The following PLAC9 variants were observed in gnomAD, a reference collection of about 807,000 sequenced individuals.
PLAC9 encodes placenta-specific protein 9.
In PLAC9, 12 loss-of-function variants were observed where a neutral mutation model predicts 11.5. That is an observed-to-expected ratio of 1.05 (90% CI 0.67 to 1.69). The LOEUF (loss-of-function observed/expected upper bound fraction) is 1.69, where lower values mean the gene tolerates loss of function less well. PLAC9 is among the 40% of genes most tolerant of loss of function. PLAC9 has a pLI of 0.00. For missense variants in PLAC9, 132 were observed against 130.5 expected (o/e 1.01, Z -0.06); for synonymous variants, 62 against 58.1 (o/e 1.07, Z -0.31).
upstream of PLAC9, among the ~76,000 whole-genome samples, chr10:80,132,384 T>C (rs1397027419): frequency 6.6e-6 from 1 of 152,308 alleles, no homozygotes; most frequent in East Asian, 1.9e-4. Context: ...AGTCTTAGTC[T>C]GCCCGCCTGT....
chr10:80,139,739 A>AT lies in PLAC9; in HGVS notation c.65-2333dup, dbSNP rs111930893. ...TGTAAATGTTCTCATCATGGCCACC[A>AT]TTTTTTTTTTAACTTAAAATTTTTT... On this transcript the variant is annotated intron_variant, in intron 1 of 3. Transcript: ENST00000372263. Among the ~76,000 whole-genome samples, 27 of 149,004 alleles carry AT rather than the reference A, an allele frequency of 1.8e-4. No homozygotes were observed. In the East Asian group the frequency reaches 2.0e-3, roughly 11 times the overall value.
chr10:80,145,059 G>T lies in PLAC9; in HGVS notation c.*149G>T. 2 of 1,025,146 alleles carry T rather than the reference G, an allele frequency of 2.0e-6. No individual in the cohort carries two copies. Among genetic ancestry groups the T allele is most frequent in the Non-Finnish European group, 3.0e-6 (2 of 674,166 alleles). The allele number at this position is 1,025,146 out of a possible 1,614,324, so 63.5% of individuals were successfully genotyped here. ...TCTGTGTCTGCTGACAGAGTAACCC[G>T]TTTAACTACAGCCTCCTCTCACTCC... On this transcript the variant is annotated 3_prime_UTR_variant, in exon 4 of 4. Coordinates refer to ENST00000372263, the MANE Select transcript of PLAC9 (RefSeq NM_001012973.3).
At chr10:80,141,009 T>C (rs923975747) in intron 1 of PLAC9, among the ~76,000 whole-genome samples, 1 of 152,018 alleles carries the variant, frequency 6.6e-6, no homozygotes, top group Non-Finnish European at 1.5e-5. Context: ...TACGTGTAGA[T>C]TGGGCATAAC....
At chr10:80,140,771 C>T (rs1224824407) in intron 1 of PLAC9, among the ~76,000 whole-genome samples, 6 of 152,126 alleles carry the variant, frequency 3.9e-5, no homozygotes, top group African/African-American at 1.2e-4. Context: ...TGACCTCGTG[C>T]GCCTACCTCG....
chr10:80,138,494 G>A (rs927336318), intron 1 of PLAC9, among the ~76,000 whole-genome samples: 1 of 152,184 alleles, frequency 6.6e-6, no homozygotes, highest in African/African-American at 2.4e-5. Context: ...AAAACAGATT[G>A]TTCTCCACAA....
intron 3 of PLAC9, among the ~76,000 whole-genome samples, 165 bp from the exon 4 acceptor site, chr10:80,144,735 T>C (rs1452895374): frequency 6.6e-6 from 1 of 152,160 alleles, no homozygotes; most frequent in African/African-American, 2.4e-5. Context: ...TCCCCACTGA[T>C]CAGGCAGGGT....
At chr10:80,133,235 G>C (rs1409650657) in intron 1 of PLAC9, among the ~76,000 whole-genome samples, 7 of 152,124 alleles carry the variant, frequency 4.6e-5, no homozygotes, top group African/African-American at 1.7e-4. Context: ...ATTTGAGAGA[G>C]ACCAAAAAGG....
At chr10:80,132,284 G>C (rs1257289553), upstream of PLAC9, among the ~76,000 whole-genome samples, 1 of 152,180 alleles carries the variant, frequency 6.6e-6, no homozygotes, top group African/African-American at 2.4e-5. Flanking sequence ...TTCGTAGGTA[G>C]ACAGAGAAAA....
At chr10:80,141,370 G>A (rs1454930293) in intron 1 of PLAC9, among the ~76,000 whole-genome samples, 4 of 152,156 alleles carry the variant, frequency 2.6e-5, no homozygotes, top group South Asian at 2.1e-4. Context: ...AGGCTGAGGC[G>A]GGTGGATCAC....
At chr10:80,138,514 A>C (rs1225809087) in intron 1 of PLAC9, among the ~76,000 whole-genome samples, 1 of 152,236 alleles carries the variant, frequency 6.6e-6, no homozygotes. Context: ...AAAGATGCTC[A>C]GAGTGGAAGG....
chr10:80,135,597 C>T (rs1844966921), intron 1 of PLAC9, among the ~76,000 whole-genome samples: 1 of 152,030 alleles, frequency 6.6e-6, no homozygotes, highest in East Asian at 1.9e-4. Context: ...CCCCGGCCTC[C>T]CAAAGTGCTG....
Position 80,144,238 on chromosome 10 carries a change from G to A in PLAC9, c.178G>A (p.Val60Met), listed in dbSNP as rs1845073755. The change falls in exon 3 of 4, where the codon GTG (valine) becomes ATG (methionine). Residue 60 changes from valine (V) to methionine (M), a missense_variant. Transcript: ENST00000372263. ...DVMEEMVEKTVDHLGTEVKGL... is the reference protein window; with the variant it reads ...DVMEEMVEKTMDHLGTEVKGL... ...CCCACTCTAGATGGTAGAGAAGACC[G>A]TGGATCACCTGGGGACAGAGGTGAA... is the stretch of plus-strand genomic sequence containing the variant. 3 of 1,614,032 alleles carry A rather than the reference G, an allele frequency of 1.9e-6. No individual in the cohort carries two copies. Among genetic ancestry groups the A allele is most frequent in the South Asian group, 1.1e-5 (1 of 91,094 alleles).
intron 1 of PLAC9, among the ~76,000 whole-genome samples, chr10:80,138,951 C>CTTT (rs773767546): frequency 0.13 from 16,819 of 131,160 alleles, 2,100 homozygotes; most frequent in African/African-American, 0.32. Context: ...TGCAATATTC[C>CTTT]TTTTTTTTTT....
At chr10:80,142,409 A>T (rs1395494954) in intron 2 of PLAC9, among the ~76,000 whole-genome samples, 2 of 152,078 alleles carry the variant, frequency 1.3e-5, no homozygotes, top group African/African-American at 4.8e-5. Flanking sequence ...TTTCAACATC[A>T]TTACTGGATG....
intron 2 of PLAC9, among the ~76,000 whole-genome samples, chr10:80,143,389 A>ATTTTTTTTTTTTTT (rs560963413): frequency 5.6e-5 from 5 of 89,942 alleles, no homozygotes; most frequent in African/African-American, 2.5e-4. Context: ...AAATACTTGA[A>ATTTTTTTTTTTTTT]TTTTTTTTTT....
upstream of PLAC9, chr10:80,132,713 G>A: frequency 7.1e-7 from 1 of 1,415,796 alleles, no homozygotes; most frequent in Non-Finnish European, 9.2e-7. Flanking sequence ...TGCGATCCGG[G>A]AAGGGCGGCT....
At chr10:80,137,210 C>T (rs117467122) in intron 1 of PLAC9, among the ~76,000 whole-genome samples, 6,363 of 152,282 alleles carry the variant, frequency 0.042, 181 homozygotes, top group Non-Finnish European at 0.066. Context: ...ATGTTGGGAG[C>T]GACCTCAGCC....
chr10:80,134,265 C>CT (rs559784722), intron 1 of PLAC9, among the ~76,000 whole-genome samples: 20,640 of 134,552 alleles, frequency 0.15, 1,681 homozygotes, highest in South Asian at 0.22. Flanking sequence ...TTCTTTCTTT[C>CT]TTTTTTTTTT....
At chr10:80,143,426 C>A (rs1845064410) in intron 2 of PLAC9, among the ~76,000 whole-genome samples, 1 of 112,606 alleles carries the variant, frequency 8.9e-6, no homozygotes, top group Non-Finnish European at 1.7e-5. Context: ...GAGGCAGAGT[C>A]TCACTCTGTC....
Sources: gnomAD v4.1 joint callset for allele counts (sites outside exome capture counted in the v4.1 genomes callset) on GRCh38, gnomAD v4.1.1 for gene constraint, MANE v1.5 for transcripts, NCBI Gene and HGNC (gene_info 2026-07-23, HGNC 2026-07-21) for gene names.